The following SLC25A21 variants were observed in gnomAD, a reference collection of about 807,000 sequenced individuals.
SLC25A21 encodes solute carrier family 25 member 21.
SLC25A21 carries 47 observed loss-of-function variants against 43.8 expected under a neutral mutation model. The ratio of observed to expected loss-of-function variants is 1.07; its 90% CI spans 0.85 to 1.37. SLC25A21 has a LOEUF of 1.37. SLC25A21 is among the 40% of genes most tolerant of loss of function. The pLI, the probability that SLC25A21 is intolerant of heterozygous loss-of-function variation, is 0.00. For missense variants in SLC25A21, 352 were observed against 350.2 expected (o/e 1.00, Z -0.04); for synonymous variants, 131 against 121.3 (o/e 1.08, Z -0.52).
chr14:37,010,196 C>T (rs1404305837), intron 1 of SLC25A21, among the ~76,000 whole-genome samples: 3 of 152,150 alleles, frequency 2.0e-5, no homozygotes, highest in African/African-American at 4.8e-5. Context: ...ACATAGTAGA[C>T]ACTCAATAAA....
intron 3 of SLC25A21, among the ~76,000 whole-genome samples, chr14:36,770,181 G>A (rs2015463): frequency 0.47 from 71,120 of 152,024 alleles, 17,754 homozygotes; most frequent in East Asian, 0.69. Context: ...ATGGAATACC[G>A]CACAGCCATA....
chr14:36,876,950 CAT>C lies in SLC25A21; in HGVS notation c.71-1948_71-1947del, dbSNP rs1444788046. Among the ~76,000 whole-genome samples the C allele has an allele frequency of 5.0e-4, 70 of 140,790 alleles. 1 individual carries two copies. The highest frequency in any genetic ancestry group is 1.9e-3 in the African/African-American group (67 of 35,628). The allele number at this position is 140,790 out of a possible 152,430, so 92.4% of individuals were successfully genotyped here. ...ATAGATAGATAGATACACACACACA[CAT>C]ACATATACATATATTATTTATAATT... On this transcript the variant is annotated intron_variant, in intron 1 of 9. Transcript: ENST00000331299.
At chr14:36,965,328 A>T (rs541511880) in intron 1 of SLC25A21, among the ~76,000 whole-genome samples, 4 of 152,176 alleles carry the variant, frequency 2.6e-5, no homozygotes, top group Non-Finnish European at 5.9e-5. Context: ...CACTAAATTT[A>T]AAGTCTTGGT....
chr14:36,813,693 G>A (rs558244911), intron 3 of SLC25A21, among the ~76,000 whole-genome samples: 1 of 152,300 alleles, frequency 6.6e-6, no homozygotes, highest in Non-Finnish European at 1.5e-5. Flanking sequence ...CATAAATTAA[G>A]ATTTGTCCTC....
At chr14:36,868,145 T>TA (rs11453916) in intron 2 of SLC25A21, among the ~76,000 whole-genome samples, 66,736 of 151,640 alleles carry the variant, frequency 0.44, 16,019 homozygotes, top group Non-Finnish European at 0.52. Flanking sequence ...GAAATATAAT[T>TA]AAAGATTATT....
At chr14:37,052,979 C>T (rs1961742689) in intron 1 of SLC25A21, among the ~76,000 whole-genome samples, 1 of 152,108 alleles carries the variant, frequency 6.6e-6, no homozygotes, top group Non-Finnish European at 1.5e-5. Flanking sequence ...TTTATATAAT[C>T]TAAGAAGATT....
intron 1 of SLC25A21, among the ~76,000 whole-genome samples, chr14:37,014,858 G>T (rs1028272173): frequency 6.6e-6 from 1 of 151,988 alleles, no homozygotes; most frequent in Non-Finnish European, 1.5e-5. Context: ...CCTCAATTAA[G>T]GCTCTTGAGT....
Position 37,088,758 on chromosome 14 carries a change from C to T in SLC25A21, c.70+83523G>A, listed in dbSNP as rs1198503876. On this transcript the variant is annotated intron_variant, in intron 1 of 9. Coordinates refer to ENST00000331299, the MANE Select transcript of SLC25A21 (RefSeq NM_030631.4). ...GCTAGCATAAGCCATAGGATCATTT[C>T]CTTCTGAGAAAATTAGTAACCAAGA... 2.6e-5 allele frequency among the ~76,000 whole-genome samples: 4 copies of T among 152,312 alleles called. No individual in the cohort carries two copies. The South Asian group carries it at 6.2e-4, about 24-fold the overall frequency.
intron 1 of SLC25A21, among the ~76,000 whole-genome samples, chr14:37,028,293 T>C (rs964526472): frequency 3.9e-5 from 6 of 152,058 alleles, no homozygotes; most frequent in African/African-American, 1.4e-4. Flanking sequence ...AGCAATAGCA[T>C]TGGGGAAGAG....
intron 1 of SLC25A21, among the ~76,000 whole-genome samples, chr14:37,022,793 T>C (rs1961014568): frequency 2.0e-5 from 3 of 152,038 alleles, no homozygotes; most frequent in South Asian, 4.1e-4. Context: ...AAAACTAATA[T>C]TGTTGTTAGT....
chr14:37,118,683 T>G (rs1296676433), intron 1 of SLC25A21, among the ~76,000 whole-genome samples: 1 of 152,226 alleles, frequency 6.6e-6, no homozygotes, highest in African/African-American at 2.4e-5. Context: ...ACCTTAAATT[T>G]AAGCAGAGTA....
intron 3 of SLC25A21, among the ~76,000 whole-genome samples, chr14:36,745,701 T>G (rs1262086808): frequency 6.6e-6 from 1 of 152,198 alleles, no homozygotes; most frequent in Non-Finnish European, 1.5e-5. Flanking sequence ...GTTTATTTTT[T>G]TCTTGTAAAC....
intron 3 of SLC25A21, among the ~76,000 whole-genome samples, chr14:36,760,385 A>T (rs868116874): frequency 1.4e-5 from 2 of 142,660 alleles, no homozygotes; most frequent in Admixed American, 7.0e-5. Context: ...GGAAGGAAGG[A>T]AGGAAGGCAG....
intron 1 of SLC25A21, among the ~76,000 whole-genome samples, chr14:37,151,386 A>G (rs1963756441): frequency 1.3e-5 from 2 of 152,368 alleles, no homozygotes; most frequent in African/African-American, 2.4e-5. Flanking sequence ...AAGATGCCGC[A>G]TTAATGCCAA....
intron 1 of SLC25A21, among the ~76,000 whole-genome samples, chr14:37,045,839 T>C (rs537273912): frequency 6.6e-6 from 1 of 152,344 alleles, no homozygotes; most frequent in Admixed American, 6.5e-5. Context: ...CTTTTCCTTC[T>C]GGATGATGGA....
Position 37,172,392 on chromosome 14 carries a change from C to A in SLC25A21, c.-42G>T. Reference sequence around the variant, plus strand: ...GACAAGGGAGTGGGCTGAGATGCGTCAACGAGCTCGCAGCCTGCACAGCCT... The same window carrying A: ...GACAAGGGAGTGGGCTGAGATGCGTAAACGAGCTCGCAGCCTGCACAGCCT... On this transcript the variant is annotated 5_prime_UTR_variant, in exon 1 of 10. Coordinates refer to ENST00000331299, the MANE Select transcript of SLC25A21 (RefSeq NM_030631.4). 1 of 1,557,008 alleles carries A rather than the reference C, an allele frequency of 6.4e-7. No individual in the cohort carries two copies.
intron 1 of SLC25A21, among the ~76,000 whole-genome samples, chr14:36,903,037 A>G (rs533460741): frequency 2.6e-5 from 4 of 152,282 alleles, no homozygotes; most frequent in African/African-American, 9.6e-5. Flanking sequence ...CTTCTTTGTA[A>G]ATGGGAATAA....
intron 2 of SLC25A21, among the ~76,000 whole-genome samples, chr14:36,818,485 G>C (rs1404238654): frequency 1.3e-5 from 2 of 152,196 alleles, no homozygotes; most frequent in Non-Finnish European, 2.9e-5. Context: ...CATGGTAACT[G>C]CTAATGCCCC....
At chr14:36,804,680 A>G (rs577681851) in intron 3 of SLC25A21, among the ~76,000 whole-genome samples, 1 of 152,346 alleles carries the variant, frequency 6.6e-6, no homozygotes, top group African/African-American at 2.4e-5. Context: ...GCAAAGCTAA[A>G]ATCATGAAAC....
Sources: allele counts gnomAD v4.1 joint callset (sites outside exome capture counted in the v4.1 genomes callset), GRCh38; gene constraint gnomAD v4.1.1; transcripts MANE v1.5; gene names NCBI Gene and HGNC (gene_info 2026-07-23, HGNC 2026-07-21).